RGPD2: variants seen among roughly 807,000 people sequenced by gnomAD.
The protein encoded by RGPD2 is RANBP2 like and GRIP domain containing 2.
RGPD2 carries 2 observed loss-of-function variants against 36.0 expected under a neutral mutation model. That is an observed-to-expected ratio of 0.06 (90% CI 0.02 to 0.17). RGPD2 has a LOEUF of 0.17. RGPD2 is among the 10% of genes least tolerant of loss of function. The pLI is 1.00. For synonymous variants in RGPD2, 19 were observed against 163.8 expected, an observed-to-expected ratio of 0.12 and a Z score of 6.75; for missense variants, 40 against 464.3, an observed-to-expected ratio of 0.09 and a Z score of 8.40.
the RGPD2 span, among the ~76,000 whole-genome samples, chr2:87,961,625 CTG>C: frequency 1.3e-4 from 19 of 141,346 alleles, no homozygotes; most frequent in Non-Finnish European, 2.3e-4. Context: ...TCGCTTGAAA[CTG>C]AGAGGCGAGG....
the RGPD2 span, among the ~76,000 whole-genome samples, chr2:87,986,239 G>A: frequency 5.6e-3 from 847 of 150,672 alleles, 46 homozygotes; most frequent in Admixed American, 0.048. Context: ...GAGTTCAAGC[G>A]ATTCTCCTGC....
At chr2:87,952,108 G>C in the RGPD2 span, among the ~76,000 whole-genome samples, 1 of 152,306 alleles carries the variant, frequency 6.6e-6, no homozygotes, top group Admixed American at 6.5e-5. Context: ...AACTTGATTT[G>C]ATTGAAAATT....
chr2:87,857,466 TTG>T, the RGPD2 span, among the ~76,000 whole-genome samples: 1 of 151,332 alleles, frequency 6.6e-6, no homozygotes, highest in African/African-American at 2.4e-5. Context: ...CCTCAGCCTC[TTG>T]AGTAGCTGGG....
the RGPD2 span, among the ~76,000 whole-genome samples, chr2:87,911,219 C>G: frequency 5.5e-5 from 7 of 126,206 alleles, no homozygotes; most frequent in Non-Finnish European, 1.7e-5. Context: ...ACTGAGCAAT[C>G]TGACCTTTAT....
chr2:87,911,838 CA>C, the RGPD2 span, among the ~76,000 whole-genome samples: 1 of 151,510 alleles, frequency 6.6e-6, no homozygotes, highest in Admixed American at 6.6e-5. Context: ...AAAACAACTT[CA>C]AATTAAAGAT....
At chr2:87,809,397 G>A (rs1346060452) in intron 6 of RGPD2, among the ~76,000 whole-genome samples, 8 of 147,186 alleles carry the variant, frequency 5.4e-5, no homozygotes, top group South Asian at 2.3e-4. Flanking sequence ...GGCTGAGCGC[G>A]GTGGCTCACG....
At chr2:87,905,506 T>G in the RGPD2 span, among the ~76,000 whole-genome samples, 1 of 151,534 alleles carries the variant, frequency 6.6e-6, no homozygotes, top group African/African-American at 2.4e-5. Flanking sequence ...AAAAAATCAA[T>G]TGAGCTATAA....
At chr2:87,825,190 T>C in intron 1 of RGPD2, 1 of 393,520 alleles carries the variant, frequency 2.5e-6, no homozygotes, top group Non-Finnish European at 4.5e-6. Flanking sequence ...TCCCCCTCTA[T>C]TGATCCCCAC....
chr2:87,862,590 AC>A, the RGPD2 span, among the ~76,000 whole-genome samples: 2 of 151,496 alleles, frequency 1.3e-5, no homozygotes, highest in Non-Finnish European at 2.9e-5. Flanking sequence ...CCTTCGCCAG[AC>A]ACAAAACTTG....
the RGPD2 span, among the ~76,000 whole-genome samples, chr2:87,885,202 A>C: frequency 1.3e-5 from 2 of 152,114 alleles, no homozygotes. Context: ...TTGAACATAC[A>C]TAAATCAATA....
the RGPD2 span, among the ~76,000 whole-genome samples, chr2:87,915,340 A>AT: frequency 0.23 from 25,167 of 109,232 alleles, 3,897 homozygotes; most frequent in African/African-American, 0.3. Flanking sequence ...TTGTATATAT[A>AT]ATGTATATTA....
At chr2:87,837,169 C>G in the RGPD2 span, among the ~76,000 whole-genome samples, 1 of 150,100 alleles carries the variant, frequency 6.7e-6, no homozygotes, top group East Asian at 2.0e-4. Flanking sequence ...GACAAATCAT[C>G]AAAGCAGAAA....
At chr2:87,867,790 ATAT>A in the RGPD2 span, among the ~76,000 whole-genome samples, 1 of 145,544 alleles carries the variant, frequency 6.9e-6, no homozygotes, top group African/African-American at 2.5e-5. Flanking sequence ...TATAATTATA[ATAT>A]TATATATTAT....
the RGPD2 span, among the ~76,000 whole-genome samples, chr2:87,836,865 G>A: frequency 1.3e-5 from 2 of 152,014 alleles, no homozygotes; most frequent in African/African-American, 4.8e-5. Context: ...ACACCCATAA[G>A]CTCAAAGTAA....
the RGPD2 span, among the ~76,000 whole-genome samples, chr2:87,870,274 G>GC: frequency 6.6e-6 from 1 of 152,262 alleles, no homozygotes; most frequent in African/African-American, 2.4e-5. Flanking sequence ...AGCATGTCTT[G>GC]CATGTGCAAT....
At chr2:87,985,536 T>A in the RGPD2 span, among the ~76,000 whole-genome samples, 266 of 152,166 alleles carry the variant, frequency 1.7e-3, no homozygotes, top group African/African-American at 6.0e-3. Context: ...GTAATTATAA[T>A]CACTAGTAAA....
chr2:87,762,901 CTTAG>C (rs1411808679), intron 22 of RGPD2, among the ~76,000 whole-genome samples: 2 of 7,338 alleles, frequency 2.7e-4, no homozygotes, highest in Non-Finnish European at 5.5e-4. Context: ...AAAATAGGAG[CTTAG>C]TTAGCCCCCA....
At chr2:87,818,020 T>TAAAAAA (rs1175812254) in intron 2 of RGPD2, among the ~76,000 whole-genome samples, 5 of 65,354 alleles carry the variant, frequency 7.7e-5, no homozygotes, top group African/African-American at 2.4e-4. Flanking sequence ...AGATACTGAC[T>TAAAAAA]AAAAAAAAAA....
the RGPD2 span, among the ~76,000 whole-genome samples, chr2:87,849,337 T>C: frequency 2.7e-4 from 41 of 151,592 alleles, no homozygotes; most frequent in African/African-American, 9.7e-4. Context: ...GGTTGAAATA[T>C]GATTGCTATG....
Sources: allele counts gnomAD v4.1 joint callset (sites outside exome capture counted in the v4.1 genomes callset), GRCh38; gene constraint gnomAD v4.1.1; transcripts MANE v1.5; gene names NCBI Gene and HGNC (gene_info 2026-07-23, HGNC 2026-07-21).